NELL1: variants seen among roughly 807,000 people sequenced by gnomAD.
NELL1 encodes the protein protein kinase C-binding protein NELL1.
NELL1 carries 76 observed loss-of-function variants against 107.4 expected under a neutral mutation model. That is an observed-to-expected ratio of 0.71 (90% CI 0.59 to 0.86). The LOEUF (loss-of-function observed/expected upper bound fraction) is 0.86. Ranked by LOEUF, NELL1 falls within the 40% of genes least tolerant of loss-of-function variation. NELL1 has a pLI of 0.00. For missense variants in NELL1, 1,024 were observed against 1,005.5 expected, an observed-to-expected ratio of 1.02 and a Z score of -0.25; for synonymous variants, 353 against 341.2, an observed-to-expected ratio of 1.03 and a Z score of -0.38.
intron 15 of NELL1, among the ~76,000 whole-genome samples, chr11:21,394,662 G>A (rs1001405384): frequency 6.6e-6 from 1 of 151,474 alleles, no homozygotes; most frequent in South Asian, 2.1e-4. Flanking sequence ...TGGGTCTCTG[G>A]AAGGGAGACA....
chr11:21,340,496 CT>C (rs1425940247), intron 14 of NELL1, among the ~76,000 whole-genome samples: 1 of 152,058 alleles, frequency 6.6e-6, no homozygotes, highest in Non-Finnish European at 1.5e-5. Context: ...ATGTGTTGAA[CT>C]CGTAACCCAA....
At chr11:20,790,185 C>T (rs557307433) in intron 3 of NELL1, among the ~76,000 whole-genome samples, 6 of 152,342 alleles carry the variant, frequency 3.9e-5, no homozygotes, top group African/African-American at 1.4e-4. Context: ...CACCCAGGAA[C>T]TGTCTACCTC....
intron 15 of NELL1, among the ~76,000 whole-genome samples, chr11:21,405,515 G>A (rs753195492): frequency 2.0e-4 from 31 of 151,934 alleles, no homozygotes; most frequent in Admixed American, 9.8e-4. Flanking sequence ...AAGTTAATAC[G>A]AGAAATCAGA....
chr11:21,058,936 A>T (rs1486634354), intron 12 of NELL1, among the ~76,000 whole-genome samples: 1 of 152,086 alleles, frequency 6.6e-6, no homozygotes, highest in Non-Finnish European at 1.5e-5. Flanking sequence ...GAGATTCATG[A>T]TTTCTGTGCA....
At chr11:21,505,548 C>A (rs1345487775) in intron 15 of NELL1, among the ~76,000 whole-genome samples, 1 of 152,172 alleles carries the variant, frequency 6.6e-6, no homozygotes, top group Non-Finnish European at 1.5e-5. Flanking sequence ...TACAGCTACA[C>A]CAAATACTTC....
intron 14 of NELL1, among the ~76,000 whole-genome samples, chr11:21,281,473 G>A (rs1004860745): frequency 9.2e-5 from 14 of 152,168 alleles, no homozygotes; most frequent in Admixed American, 8.5e-4. Flanking sequence ...CCAGGGCCTG[G>A]AGGAACTTGC....
intron 2 of NELL1, among the ~76,000 whole-genome samples, chr11:20,776,166 C>G (rs933324651): frequency 3.9e-5 from 6 of 152,004 alleles, no homozygotes; most frequent in Non-Finnish European, 2.9e-5. Context: ...GGCTGGGGGC[C>G]GTGGCTCATG....
intron 14 of NELL1, among the ~76,000 whole-genome samples, chr11:21,297,265 T>G (rs1472788713): frequency 1.3e-5 from 2 of 152,002 alleles, no homozygotes; most frequent in African/African-American, 2.4e-5. Flanking sequence ...GATATGGTCA[T>G]AGACAAGGAA....
At chr11:20,764,305 T>C (rs1315467239) in intron 2 of NELL1, among the ~76,000 whole-genome samples, 1 of 152,226 alleles carries the variant, frequency 6.6e-6, no homozygotes, top group African/African-American at 2.4e-5. Context: ...AATTATGGTG[T>C]CTCTTATAAT....
rs112818079 is a variant in NELL1 at position 21,110,867 on chromosome 11, A to G, written c.1301-2722A>G. On this transcript the variant is annotated intron_variant, in intron 12 of 19. Coordinates refer to ENST00000357134, the MANE Select transcript of NELL1 (RefSeq NM_006157.5). ...TAAAACAGAGAAATTGAATTGTGTTACTACCCTGATGAAAGTCTGAGCTCC... is the reference window on the plus strand; with the variant it reads ...TAAAACAGAGAAATTGAATTGTGTTGCTACCCTGATGAAAGTCTGAGCTCC... 6.9e-3 allele frequency among the ~76,000 whole-genome samples: 1,052 copies of G among 152,234 alleles called. 18 individuals carry two copies. The highest frequency in any genetic ancestry group is 0.023 in the African/African-American group (954 of 41,542).
chr11:20,829,639 A>C (rs1857963900), intron 3 of NELL1, among the ~76,000 whole-genome samples: 1 of 151,994 alleles, frequency 6.6e-6, no homozygotes, highest in Admixed American at 6.6e-5. Context: ...CATTTCATTT[A>C]GTTGCTATTT....
intron 15 of NELL1, among the ~76,000 whole-genome samples, chr11:21,403,213 G>A (rs745635674): frequency 2.6e-5 from 4 of 151,620 alleles, no homozygotes; most frequent in African/African-American, 4.9e-5. Flanking sequence ...TGTATTGAAG[G>A]GGGTTCTTTT....
At chr11:21,418,158 T>C (rs2133818486) in intron 15 of NELL1, among the ~76,000 whole-genome samples, 1 of 152,166 alleles carries the variant, frequency 6.6e-6, no homozygotes, top group South Asian at 2.1e-4. Flanking sequence ...TTATACTCTG[T>C]GGGATGGGTT....
chr11:20,909,852 T>C (rs892721154), intron 5 of NELL1, among the ~76,000 whole-genome samples: 14 of 152,146 alleles, frequency 9.2e-5, no homozygotes, highest in African/African-American at 3.4e-4. Context: ...AATTATAATT[T>C]GTATTTTAAG....
At chr11:21,521,654 G>A (rs1272302766) in intron 15 of NELL1, among the ~76,000 whole-genome samples, 1 of 151,996 alleles carries the variant, frequency 6.6e-6, no homozygotes, top group Non-Finnish European at 1.5e-5. Flanking sequence ...ATCAATTGCT[G>A]GATCAAATTG....
At chr11:20,802,330 C>T (rs550297268) in intron 3 of NELL1, among the ~76,000 whole-genome samples, 1 of 150,012 alleles carries the variant, frequency 6.7e-6, no homozygotes, top group East Asian at 1.9e-4. Flanking sequence ...TAAGTATTTT[C>T]TTTTTGTATC....
intron 3 of NELL1, among the ~76,000 whole-genome samples, chr11:20,833,353 GT>G (rs1444934455): frequency 6.6e-6 from 1 of 152,060 alleles, no homozygotes; most frequent in African/African-American, 2.4e-5. Context: ...TGAGTAACTT[GT>G]TTTCTATAAG....
At chr11:21,455,651 T>C (rs955162803) in intron 15 of NELL1, among the ~76,000 whole-genome samples, 3 of 152,138 alleles carry the variant, frequency 2.0e-5, no homozygotes, top group African/African-American at 7.2e-5. Context: ...GAGATTATTT[T>C]GTTAATCCCT....
At chr11:21,101,913 T>TCCTGGG (rs1854826891) in intron 12 of NELL1, among the ~76,000 whole-genome samples, 1 of 152,160 alleles carries the variant, frequency 6.6e-6, no homozygotes, top group Non-Finnish European at 1.5e-5. Flanking sequence ...ATCCAGGCTG[T>TCCTGGG]AGTGCAGAGC....
Sources: gnomAD v4.1 joint callset for allele counts (sites outside exome capture counted in the v4.1 genomes callset) on GRCh38, gnomAD v4.1.1 for gene constraint, MANE v1.5 for transcripts, NCBI Gene and HGNC (gene_info 2026-07-23, HGNC 2026-07-21) for gene names.